TNPO1: variants seen among roughly 807,000 people sequenced by gnomAD.
TNPO1 encodes the protein transportin-1.
TNPO1 carries 8 observed loss-of-function variants against 119.5 expected under a neutral mutation model. The ratio of observed to expected loss-of-function variants is 0.07; its 90% CI spans 0.04 to 0.12. The LOEUF is 0.12. TNPO1 is among the 10% of genes least tolerant of loss of function. The pLI, the probability that TNPO1 is intolerant of heterozygous loss-of-function variation, is 1.00. For missense variants in TNPO1, 576 were observed against 1,089.8 expected (o/e 0.53, Z 6.64); for synonymous variants, 362 against 363.0 (o/e 1.00, Z 0.03).
rs1232009074 is a variant in TNPO1, at chr5:72,910,245, CTTCAT to C, written c.*1580_*1584del. 22 of 152,718 alleles carry C rather than the reference CTTCAT, an allele frequency of 1.4e-4. No homozygotes were observed. Among genetic ancestry groups the C allele is most frequent in the Admixed American group, 7.8e-4 (12 of 15,298 alleles). 9.5% of individuals were successfully genotyped at this position (152,718 alleles called of 1,614,324 possible). A position where few individuals can be genotyped will look rare whatever the true frequency, so the allele number is the denominator to read the frequency against. ...CAGAGTGAAAGTTGGTTTGGATCCT[CTTCAT>C]TTCATTTGTTTAGCTTTTCTGTTAT... On this transcript the variant is annotated 3_prime_UTR_variant, in exon 25 of 25. Transcript: ENST00000337273.
Position 72,848,422 on chromosome 5 carries a change from A to G in TNPO1, c.53A>G (p.Gln18Arg). ...GAGTATGAGTGGAAACCTGACGAGC[A>G]AGGGCTTCAGCAAATCCTGCAGCTG... ...KMEYEWKPDE[Q>R]GLQQILQLLK... Residue 18 changes from glutamine to arginine, a missense_variant, in exon 2 of 25, where the codon CAA becomes CGA. Gln to Arg is a conservative substitution (Grantham distance 43, BLOSUM62 1). Transcript: ENST00000337273. 1 of 1,612,588 alleles carries G rather than the reference A, an allele frequency of 6.2e-7. No individual in the cohort carries two copies. Among genetic ancestry groups the G allele is most frequent in the Non-Finnish European group, 8.5e-7 (1 of 1,179,182 alleles).
rs369282918 is a variant in TNPO1 at position 72,911,201 on chromosome 5, G to A, written c.*2528G>A. 8 of 152,040 alleles carry A rather than the reference G, an allele frequency of 5.3e-5. No individual in the cohort carries two copies. In the South Asian group the frequency reaches 6.2e-4, roughly 12 times the overall value. The allele number at this position is 152,040 out of a possible 1,614,324, so 9.4% of individuals were successfully genotyped here. Reference sequence around the variant, plus strand: ...CTTCAGTAAAGTTATTTGAACCTGTGGTTGACAATTCTGTATTGACTAAAG... The same window carrying A: ...CTTCAGTAAAGTTATTTGAACCTGTAGTTGACAATTCTGTATTGACTAAAG... On this transcript the variant is annotated 3_prime_UTR_variant, in exon 25 of 25. Coordinates refer to ENST00000337273, the MANE Select transcript of TNPO1 (RefSeq NM_002270.4).
rs1448633338 is a variant in TNPO1, at chr5:72,914,360, G to C, written c.*5687G>C. The C allele has an allele frequency of 6.6e-6, 1 of 152,520 alleles. No individual in the cohort carries two copies. The highest frequency in any genetic ancestry group is 1.5e-5 in the Non-Finnish European group (1 of 67,992). The allele number at this position is 152,520 out of a possible 1,614,324, so 9.4% of individuals were successfully genotyped here. ...TAGATGTGAATGTTAATCACTGCTT[G>C]ACTATGTTAATAAAGTTGTTTAACT... On this transcript the variant is annotated 3_prime_UTR_variant, in exon 25 of 25. Coordinates refer to ENST00000337273, the MANE Select transcript of TNPO1 (RefSeq NM_002270.4).
At chr5:72,908,575 A>T (rs1389006619) in intron 24 of TNPO1, 134 bp from the exon 25 acceptor site, 1 of 161,932 alleles carries the variant, frequency 6.2e-6, no homozygotes, top group Non-Finnish European at 1.4e-5. Context: ...ACACGATATT[A>T]GGCAATTTGT....
intron 9 of TNPO1, among the ~76,000 whole-genome samples, chr5:72,880,489 T>G (rs1469331279): frequency 6.6e-6 from 1 of 152,150 alleles, no homozygotes; most frequent in Non-Finnish European, 1.5e-5. Flanking sequence ...GTTTATTGTC[T>G]ATGTTATTAC....
intron 2 of TNPO1, among the ~76,000 whole-genome samples, chr5:72,848,849 AGGGAGCGGGCGGGC>A (rs974709461): frequency 2.0e-5 from 3 of 150,248 alleles, no homozygotes; most frequent in Non-Finnish European, 3.0e-5. Flanking sequence ...CCGCGGGGGT[AGGGAGCGGGCGGGC>A]GGGAGCGGCC....
intron 1 of TNPO1, among the ~76,000 whole-genome samples, chr5:72,845,279 T>A (rs970780713): frequency 2.0e-5 from 3 of 152,154 alleles, no homozygotes; most frequent in African/African-American, 7.2e-5. Flanking sequence ...AAATCCAATA[T>A]TGATCTTGAT....
intron 13 of TNPO1, among the ~76,000 whole-genome samples, chr5:72,889,045 A>T (rs188245955): frequency 6.6e-5 from 10 of 152,066 alleles, no homozygotes; most frequent in Admixed American, 6.5e-4. Flanking sequence ...ACTGTTGAAC[A>T]AAAAAAAGGA....
At chr5:72,848,161 G>A (rs771412725) in intron 1 of TNPO1, 35 of 1,206,346 alleles carry the variant, frequency 2.9e-5, no homozygotes, top group Non-Finnish European at 3.6e-5. Flanking sequence ...CGGCCGCGGC[G>A]GCAGCAGCAG....
At chr5:72,881,174 G>T (rs760852131) in intron 9 of TNPO1, among the ~76,000 whole-genome samples, 14 of 152,000 alleles carry the variant, frequency 9.2e-5, no homozygotes, top group African/African-American at 3.4e-4. Context: ...GCAGTGGCGC[G>T]ATCTCAGCTC....
chr5:72,825,564 G>A (rs1744172417), intron 1 of TNPO1, among the ~76,000 whole-genome samples: 1 of 152,176 alleles, frequency 6.6e-6, no homozygotes, highest in Non-Finnish European at 1.5e-5. Context: ...GCACGTGCCT[G>A]TAGTCCCAGC....
intron 1 of TNPO1, among the ~76,000 whole-genome samples, chr5:72,841,119 C>CTTT (rs1193958768): frequency 7.0e-6 from 1 of 142,570 alleles, no homozygotes. Flanking sequence ...GACTCTCTCT[C>CTTT]TTTTTTTTTT....
chr5:72,831,448 G>A (rs1242002869), intron 1 of TNPO1, among the ~76,000 whole-genome samples: 1 of 151,712 alleles, frequency 6.6e-6, no homozygotes, highest in African/African-American at 2.4e-5. Flanking sequence ...AAAATTTGGG[G>A]ATTTGTTCTT....
intron 23 of TNPO1, among the ~76,000 whole-genome samples, chr5:72,904,310 T>A (rs1749985076): frequency 6.6e-6 from 1 of 152,198 alleles, no homozygotes; most frequent in South Asian, 2.1e-4. Flanking sequence ...AAATACGACA[T>A]AAAAATTGTA....
chr5:72,833,669 A>G (rs556714925), intron 1 of TNPO1, among the ~76,000 whole-genome samples: 4 of 152,338 alleles, frequency 2.6e-5, no homozygotes, highest in Admixed American at 2.0e-4. Flanking sequence ...TAAACTGAAC[A>G]CTTTCTTAAT....
chr5:72,826,858 T>G (rs1235157554), intron 1 of TNPO1, among the ~76,000 whole-genome samples: 3 of 152,096 alleles, frequency 2.0e-5, no homozygotes, highest in Non-Finnish European at 2.9e-5. Context: ...TTAAGAGAGA[T>G]AGTTGAAAGG....
Position 72,865,737 on chromosome 5 carries a change from T to C in TNPO1, c.596+8T>C, listed in dbSNP as rs374209986. 3.8e-5 allele frequency: 61 copies of C among 1,612,072 alleles called. No individual in the cohort carries two copies. The African/African-American group carries it at 4.8e-4, about 13-fold the overall frequency. On this transcript the variant is annotated splice_region_variant and intron_variant, in intron 6 of 24. Transcript: ENST00000337273. ...TAGTAGTCCAAAAATAAGGTACTTA[T>C]ATTGCCAGTACTAATTGATTAACTG...
At position 72,819,834 on chromosome 5, in the gene TNPO1, C is replaced by T. The variant is rs1227734395; in HGVS notation, c.15+3082C>T. ...GGCAAGTTATTTAATCTCACTTTTT[C>T]ATCTTATGTTATGAGGATTAAATGA... On this transcript the variant is annotated intron_variant, in intron 1 of 24. Coordinates refer to ENST00000337273, the MANE Select transcript of TNPO1 (RefSeq NM_002270.4). Among the ~76,000 whole-genome samples the T allele has an allele frequency of 2.6e-5, 4 of 152,292 alleles. No homozygotes were observed. In the East Asian group the frequency reaches 7.7e-4, roughly 29 times the overall value.
At chr5:72,902,678 T>C (rs1246972490) in intron 22 of TNPO1, among the ~76,000 whole-genome samples, 1 of 152,190 alleles carries the variant, frequency 6.6e-6, no homozygotes, top group East Asian at 1.9e-4. Flanking sequence ...ACATGTATGA[T>C]CATAAAATTG....
Sources: allele counts gnomAD v4.1 joint callset (sites outside exome capture counted in the v4.1 genomes callset), GRCh38; gene constraint gnomAD v4.1.1; transcripts MANE v1.5; gene names NCBI Gene and HGNC (gene_info 2026-07-23, HGNC 2026-07-21).